MACROD2: variants seen among roughly 807,000 people sequenced by gnomAD.
The protein encoded by MACROD2 is ADP-ribose glycohydrolase MACROD2.
Under a neutral mutation model 70.4 loss-of-function variants are expected in MACROD2, and 36 were observed. That is an observed-to-expected ratio of 0.51 (90% CI 0.39 to 0.68). The LOEUF (loss-of-function observed/expected upper bound fraction) is 0.68, where lower values mean the gene tolerates loss of function less well. Among genes scored for constraint, MACROD2 ranks in the 30% least tolerant of loss-of-function variants. The pLI is 0.00. For missense variants in MACROD2, 496 were observed against 538.4 expected, an observed-to-expected ratio of 0.92 and a Z score of 0.78; for synonymous variants, 172 against 178.8, an observed-to-expected ratio of 0.96 and a Z score of 0.30.
intron 5 of MACROD2, among the ~76,000 whole-genome samples, chr20:15,185,427 C>G (rs1165556089): frequency 6.6e-6 from 1 of 152,114 alleles, no homozygotes; most frequent in Non-Finnish European, 1.5e-5. Flanking sequence ...ATTACAGTTT[C>G]CTGAGTGTGT....
At position 14,863,136 on chromosome 20, in the gene MACROD2, C is replaced by T. The variant is rs183084088; in HGVS notation, c.418+178177C>T. On this transcript the variant is annotated intron_variant, in intron 5 of 17. Transcript: ENST00000684519. ...TCACCCACGGGTTCTTTCACAGTTT[C>T]TTTCACCCTAAGCCTCTCATTTCAC... Among the ~76,000 whole-genome samples the T allele has an allele frequency of 2.7e-3, 416 of 152,200 alleles. 1 individual carries two copies. Among genetic ancestry groups the T allele is most frequent in the African/African-American group, 9.7e-3 (402 of 41,548 alleles).
chr20:14,742,380 A>T (rs557471077), intron 5 of MACROD2, among the ~76,000 whole-genome samples: 2 of 152,150 alleles, frequency 1.3e-5, no homozygotes, highest in Admixed American at 6.5e-5. Flanking sequence ...GGTCACATAT[A>T]GCCATTTTTC....
chr20:15,232,360 A>G lies in MACROD2; in HGVS notation c.540+2299A>G, dbSNP rs191383851. 1.9e-3 allele frequency among the ~76,000 whole-genome samples: 287 copies of G among 152,196 alleles called. 2 individuals carry two copies. Among genetic ancestry groups the G allele is most frequent in the African/African-American group, 6.7e-3 (279 of 41,566 alleles). The stretch of plus-strand genomic sequence containing the variant: ...ATAAACTTAACTTGAACTCATTTAT[A>G]TACATGTCAAAAAGAATTTCTCATA... On this transcript the variant is annotated intron_variant, in intron 6 of 17. Coordinates refer to ENST00000684519, the MANE Select transcript of MACROD2 (RefSeq NM_001351661.2).
intron 8 of MACROD2, among the ~76,000 whole-genome samples, chr20:15,611,487 T>C (rs12624497): frequency 0.071 from 10,771 of 152,138 alleles, 665 homozygotes; most frequent in African/African-American, 0.17. Flanking sequence ...CCCTGCATGC[T>C]TGCCAAGCAC....
intron 3 of MACROD2, among the ~76,000 whole-genome samples, chr20:14,188,059 G>A (rs1352561232): frequency 5.3e-5 from 8 of 152,100 alleles, no homozygotes; most frequent in Non-Finnish European, 2.9e-5. Context: ...GAAAGGTAGA[G>A]TAAAACCAGA....
At chr20:14,401,541 A>G (rs1424158824) in intron 3 of MACROD2, among the ~76,000 whole-genome samples, 1 of 152,180 alleles carries the variant, frequency 6.6e-6, no homozygotes, top group Non-Finnish European at 1.5e-5. Flanking sequence ...TAAATAAGTC[A>G]CACTTATTTC....
rs921009963 is a variant in MACROD2, at chr20:15,699,205, G to T, written c.646-163540G>T. Reference sequence around the variant, plus strand: ...GTTTTCTGGTTCCTTCTCTGGGTAGGCTCTGTCAGAGGGAAGGTCTAGGGC... The same window carrying T: ...GTTTTCTGGTTCCTTCTCTGGGTAGTCTCTGTCAGAGGGAAGGTCTAGGGC... On this transcript the variant is annotated intron_variant, in intron 8 of 17. Coordinates refer to ENST00000684519, the MANE Select transcript of MACROD2 (RefSeq NM_001351661.2). Among the ~76,000 whole-genome samples the T allele has an allele frequency of 3.9e-5, 6 of 152,272 alleles. No individual in the cohort carries two copies. The East Asian group carries it at 1.2e-3, about 29-fold the overall frequency.
In MACROD2 at chr20:14,213,361, C is replaced by CAAAAAAAAAA. The variant is rs60009822; in HGVS notation, c.271+127649_271+127658dup. ...ATAGTTGATTTTGAGCTTCTAGTGG[C>CAAAAAAAAAA]AAAAAAAAAAAAAAAAAAAAAAAAA... On this transcript the variant is annotated intron_variant, in intron 3 of 17. Coordinates refer to ENST00000684519, the MANE Select transcript of MACROD2 (RefSeq NM_001351661.2). Among the ~76,000 whole-genome samples, 4 of 30,260 alleles carry CAAAAAAAAAA rather than the reference C, an allele frequency of 1.3e-4. 1 individual carries two copies. Among genetic ancestry groups the CAAAAAAAAAA allele is most frequent in the Non-Finnish European group, 2.2e-4 (4 of 18,512 alleles). The allele number at this position is 30,260 out of a possible 152,430, so 19.9% of individuals were successfully genotyped here.
intron 5 of MACROD2, among the ~76,000 whole-genome samples, chr20:14,749,169 G>A (rs534098350): frequency 9.9e-5 from 15 of 151,918 alleles, no homozygotes; most frequent in Non-Finnish European, 1.8e-4. Context: ...GGAAATTGCC[G>A]TATAACCCAT....
chr20:15,499,924 A>C, intron 8 of MACROD2, 77 bp downstream of exon 8: 2 of 1,378,080 alleles, frequency 1.5e-6, no homozygotes, highest in Non-Finnish European at 2.1e-6. Flanking sequence ...AAAGCACATA[A>C]ATTTTATAAA....
At chr20:15,724,283 A>G (rs1028272596) in intron 8 of MACROD2, among the ~76,000 whole-genome samples, 2 of 152,156 alleles carry the variant, frequency 1.3e-5, no homozygotes, top group Admixed American at 1.3e-4. Flanking sequence ...TATGAAGTTT[A>G]GCTTATCAAT....
At chr20:15,356,559 G>T (rs1217402019) in intron 6 of MACROD2, among the ~76,000 whole-genome samples, 3 of 152,070 alleles carry the variant, frequency 2.0e-5, no homozygotes, top group Non-Finnish European at 4.4e-5. Flanking sequence ...GAGGTGGGCA[G>T]ATCACTTGAG....
chr20:15,002,487 T>G (rs750118241), intron 5 of MACROD2, among the ~76,000 whole-genome samples: 16 of 152,186 alleles, frequency 1.1e-4, no homozygotes, highest in Non-Finnish European at 1.9e-4. Context: ...TAGAACATGT[T>G]CCCTTATTGA....
At chr20:15,414,099 T>C (rs958540115) in intron 6 of MACROD2, among the ~76,000 whole-genome samples, 5 of 152,304 alleles carry the variant, frequency 3.3e-5, no homozygotes, top group African/African-American at 1.2e-4. Flanking sequence ...TACAAAAGAC[T>C]AAAAGTGCAT....
chr20:15,165,243 G>T (rs1030510540), intron 5 of MACROD2, among the ~76,000 whole-genome samples: 1 of 152,186 alleles, frequency 6.6e-6, no homozygotes, highest in Non-Finnish European at 1.5e-5. Context: ...ATCATCTGAG[G>T]TCAGGAGTTC....
intron 10 of MACROD2, among the ~76,000 whole-genome samples, chr20:15,924,455 CA>C (rs759957516): frequency 1.3e-5 from 2 of 152,176 alleles, no homozygotes; most frequent in African/African-American, 2.4e-5. Context: ...TCCTTTCATC[CA>C]GCAAAAATAC....
intron 4 of MACROD2, among the ~76,000 whole-genome samples, chr20:14,536,837 A>T (rs1181819598): frequency 1.3e-5 from 2 of 152,194 alleles, no homozygotes; most frequent in East Asian, 3.8e-4. Flanking sequence ...GTAAATTAAG[A>T]TGTACATCTG....
intron 10 of MACROD2, among the ~76,000 whole-genome samples, chr20:15,928,435 AT>A (rs1199666577): frequency 6.6e-6 from 1 of 152,182 alleles, no homozygotes; most frequent in Non-Finnish European, 1.5e-5. Context: ...CATTTCCCAC[AT>A]TTTTGCTGAT....
chr20:14,516,123 A>G (rs867617973), intron 4 of MACROD2, among the ~76,000 whole-genome samples: 23 of 151,142 alleles, frequency 1.5e-4, no homozygotes, highest in Non-Finnish European at 2.4e-4. Flanking sequence ...GCAAAATGCC[A>G]CATTTATAAA....
Sources: gnomAD v4.1 joint callset for allele counts (sites outside exome capture counted in the v4.1 genomes callset) on GRCh38, gnomAD v4.1.1 for gene constraint, MANE v1.5 for transcripts, NCBI Gene and HGNC (gene_info 2026-07-23, HGNC 2026-07-21) for gene names.